Variants in UTP6 observed in about 807,000 individuals in gnomAD.
UTP6 encodes the protein U3 small nucleolar RNA-associated protein 6 homolog.
In UTP6, 60 loss-of-function variants were observed where a neutral mutation model predicts 96.5. The observed-to-expected ratio is 0.62, with a 90% CI of 0.51 to 0.77. The LOEUF (loss-of-function observed/expected upper bound fraction) is 0.77. Ranked by LOEUF, UTP6 falls within the 30% of genes least tolerant of loss-of-function variation. The pLI, the probability that UTP6 is intolerant of heterozygous loss-of-function variation, is 0.00. For missense variants in UTP6, 637 were observed against 706.5 expected (o/e 0.90, Z 1.12); for synonymous variants, 215 against 240.1 (o/e 0.90, Z 0.96).
chr17:31,884,384 C>T (rs1173486961), intron 10 of UTP6, 40 bp downstream of exon 10: 10 of 1,480,296 alleles, frequency 6.8e-6, no homozygotes, highest in Non-Finnish European at 1.9e-6. Context: ...ATCTCAAGAT[C>T]AGAAATAGAT....
intron 2 of UTP6, among the ~76,000 whole-genome samples, chr17:31,897,009 G>T (rs1041011727): frequency 3.3e-5 from 5 of 151,930 alleles, no homozygotes; most frequent in Non-Finnish European, 5.9e-5. Flanking sequence ...CTTTTGGCTG[G>T]GCACACTGGC....
chr17:31,875,468 T>C, intron 13 of UTP6, 55 bp from the exon 14 acceptor site: 2 of 1,578,606 alleles, frequency 1.3e-6, no homozygotes, highest in Non-Finnish European at 1.7e-6. Context: ...AAACAATCTA[T>C]GTAAATGTAA....
At chr17:31,899,244 C>G (rs1344472698) in intron 2 of UTP6, among the ~76,000 whole-genome samples, 1 of 152,150 alleles carries the variant, frequency 6.6e-6, no homozygotes, top group Non-Finnish European at 1.5e-5. Flanking sequence ...CTACACTGAG[C>G]CATGATGGCA....
At chr17:31,867,824 C>T (rs1909912471) in intron 17 of UTP6, among the ~76,000 whole-genome samples, 2 of 151,826 alleles carry the variant, frequency 1.3e-5, no homozygotes, top group Non-Finnish European at 2.9e-5. Context: ...GGCATGGTGG[C>T]GTGTGCCTAT....
At chr17:31,889,622 G>C (rs935474388) in intron 6 of UTP6, among the ~76,000 whole-genome samples, 1 of 149,894 alleles carries the variant, frequency 6.7e-6, no homozygotes, top group Non-Finnish European at 1.5e-5. Context: ...TCAGTCTCCC[G>C]AGTAGCTGGT....
At chr17:31,883,802 G>A (rs940372903) in intron 10 of UTP6, among the ~76,000 whole-genome samples, 39 of 151,544 alleles carry the variant, frequency 2.6e-4, no homozygotes, top group African/African-American at 8.5e-4. Flanking sequence ...TCAGCCTCCA[G>A]AGTAGGTAGG....
intron 11 of UTP6, among the ~76,000 whole-genome samples, chr17:31,880,005 A>G (rs911296303): frequency 2.0e-5 from 3 of 151,752 alleles, no homozygotes; most frequent in African/African-American, 7.3e-5. Context: ...ACTCGGGAGG[A>G]TGAGGCAGGA....
At position 31,868,033 on chromosome 17, in the gene UTP6, A is replaced by G; in HGVS notation, c.1563+13T>C. Reference sequence around the variant, plus strand: ...ATTTTCCCAGACAAGAAATGCTGAAACAGAACACTTACTTGCTCCTTTTCA... The same window carrying G: ...ATTTTCCCAGACAAGAAATGCTGAAGCAGAACACTTACTTGCTCCTTTTCA... On this transcript the variant is annotated intron_variant, in intron 17 of 18. Coordinates refer to ENST00000261708, the MANE Select transcript of UTP6 (RefSeq NM_018428.3). The G allele has an allele frequency of 6.2e-7, 1 of 1,611,868 alleles. No individual in the cohort carries two copies. The highest frequency in any genetic ancestry group is 8.5e-7 in the Non-Finnish European group (1 of 1,178,812).
Position 31,872,056 on chromosome 17 carries a change from G to A in UTP6, c.1496+1322C>T, listed in dbSNP as rs937461574. Among the ~76,000 whole-genome samples the A allele has an allele frequency of 5.9e-5, 9 of 151,858 alleles. No individual in the cohort carries two copies. In the South Asian group the frequency reaches 6.2e-4, roughly 11 times the overall value. ...TAAAAATATAAAAAATTAGCCGGGC[G>A]TCGTGGCACATGCCTGTAATCCCAG... On this transcript the variant is annotated intron_variant, in intron 16 of 18. Coordinates refer to ENST00000261708, the MANE Select transcript of UTP6 (RefSeq NM_018428.3).
Position 31,885,989 on chromosome 17 carries a change from T to A in UTP6, c.694A>T (p.Ile232Leu), listed in dbSNP as rs375397400. 2 of 1,612,804 alleles carry A rather than the reference T, an allele frequency of 1.2e-6. No individual in the cohort carries two copies. Among genetic ancestry groups the A allele is most frequent in the African/African-American group, 2.7e-5 (2 of 74,900 alleles). ...AWIIYKNSVSIIKGAEFHVSL... is the reference protein window; with the variant it reads ...AWIIYKNSVSLIKGAEFHVSL... ...TTCAAAAGATACCTACCTTTAATTATGCTTACAGAATTTTTGTAGATGATC... is the reference window on the plus strand; with the variant it reads ...TTCAAAAGATACCTACCTTTAATTAAGCTTACAGAATTTTTGTAGATGATC... The change falls in exon 9 of 19, where the codon ATA (isoleucine) becomes TTA (leucine). Residue 232 changes from isoleucine (I) to leucine (L), a missense_variant. By Grantham distance (5) the Ile-to-Leu change is conservative. Transcript: ENST00000261708.
intron 6 of UTP6, 43 bp downstream of exon 6, chr17:31,892,217 G>C (rs763859739): frequency 6.2e-7 from 1 of 1,600,598 alleles, no homozygotes; most frequent in East Asian, 2.2e-5. Context: ...AATGGCTTGA[G>C]TCTAAATAAA....
At chr17:31,864,776 C>T (rs565097860) in intron 18 of UTP6, among the ~76,000 whole-genome samples, 1 of 151,830 alleles carries the variant, frequency 6.6e-6, no homozygotes, top group Non-Finnish European at 1.5e-5. Context: ...GCATGCACCA[C>T]CATACCCAGT....
rs763098162 is a variant in UTP6 at position 31,894,725 on chromosome 17, A to G, written c.232T>C (p.Ser78Pro). ...IQRRRTRIGY[S>P]FKKDEIENSI... Reference sequence around the variant, plus strand: ...TTCTCAATCTCATCCTTCTTAAATGAATATCCAATGCGCTAAAGGGGGACA... The same window carrying G: ...TTCTCAATCTCATCCTTCTTAAATGGATATCCAATGCGCTAAAGGGGGACA... Residue 78 changes from serine to proline, a missense_variant, in exon 4 of 19, where the codon TCA (serine) becomes CCA (proline). Coordinates refer to ENST00000261708, the MANE Select transcript of UTP6 (RefSeq NM_018428.3). The G allele has an allele frequency of 3.1e-6, 5 of 1,610,324 alleles. No homozygotes were observed. In the East Asian group the frequency reaches 8.9e-5, roughly 29 times the overall value.
chr17:31,873,555 C>T, intron 15 of UTP6, 68 bp from the exon 16 acceptor site: 1 of 1,604,954 alleles, frequency 6.2e-7, no homozygotes, highest in African/African-American at 1.3e-5. Flanking sequence ...CAGATTTTCC[C>T]AGAACCACCT....
chr17:31,881,537 G>T (rs1910843484), intron 10 of UTP6, among the ~76,000 whole-genome samples: 1 of 152,032 alleles, frequency 6.6e-6, no homozygotes, highest in African/African-American at 2.4e-5. Context: ...CCAAAGTGCT[G>T]GGTGGGATTA....
intron 13 of UTP6, among the ~76,000 whole-genome samples, chr17:31,876,822 G>T (rs1427487852): frequency 6.6e-6 from 1 of 151,868 alleles, no homozygotes; most frequent in Non-Finnish European, 1.5e-5. Flanking sequence ...GACCAGCTTA[G>T]CCAACATGGT....
intron 9 of UTP6, among the ~76,000 whole-genome samples, chr17:31,885,710 C>T (rs1410943412): frequency 1.1e-4 from 17 of 151,912 alleles, no homozygotes; most frequent in Admixed American, 1.1e-3. Flanking sequence ...ATCACTTGAA[C>T]CCAGGAAGCA....
intron 14 of UTP6, among the ~76,000 whole-genome samples, chr17:31,874,471 G>A (rs1218587323): frequency 6.6e-6 from 1 of 152,030 alleles, no homozygotes; most frequent in Non-Finnish European, 1.5e-5. Flanking sequence ...GCTTGAACCT[G>A]GGAGGTGGAG....
intron 10 of UTP6, among the ~76,000 whole-genome samples, chr17:31,882,204 T>C (rs1189863308): frequency 6.6e-6 from 1 of 151,862 alleles, no homozygotes; most frequent in Non-Finnish European, 1.5e-5. Context: ...CTAATTTTTG[T>C]ATTTTTAGTA....
Sources: gnomAD v4.1 joint callset for allele counts (sites outside exome capture counted in the v4.1 genomes callset) on GRCh38, gnomAD v4.1.1 for gene constraint, MANE v1.5 for transcripts, NCBI Gene and HGNC (gene_info 2026-07-23, HGNC 2026-07-21) for gene names.